The following RXFP1 variants were observed in gnomAD, a reference collection of about 807,000 sequenced individuals.
RXFP1 encodes relaxin family peptide receptor 1, also known as relaxin receptor 1.
In RXFP1, 73 loss-of-function variants were observed where a neutral mutation model predicts 89.8. The ratio of observed to expected loss-of-function variants is 0.81; its 90% CI spans 0.67 to 0.99. The LOEUF is 0.99. RXFP1 is among the 50% of genes least tolerant of loss of function. RXFP1 has a pLI of 0.00. For missense variants in RXFP1, 793 were observed against 895.5 expected (o/e 0.89, Z 1.46); for synonymous variants, 277 against 305.5 (o/e 0.91, Z 0.97).
chr4:158,544,416 A>G lies in RXFP1; in HGVS notation c.49+22391A>G, dbSNP rs111749004. 8.6e-3 allele frequency: 8,152 copies of G among 946,858 alleles called. 497 individuals carry two copies. The African/African-American group carries it at 0.13, about 15-fold the overall frequency. The allele number at this position is 946,858 out of a possible 1,614,324, so 58.7% of individuals were successfully genotyped here. A position where few individuals can be genotyped will look rare whatever the true frequency, so the allele number is the denominator to read the frequency against. ...CATGGTCATAGAGGAAGTAAGTTAG[A>G]AGCTATAATTGACCTTCATCTTTTT... is the stretch of plus-strand genomic sequence containing the variant. On this transcript the variant is annotated intron_variant, in intron 1 of 17. Coordinates refer to ENST00000307765, the MANE Select transcript of RXFP1 (RefSeq NM_021634.4).
In RXFP1 at chr4:158,526,130, C is replaced by T. The variant is rs1043046797; in HGVS notation, c.49+4105C>T. Among the ~76,000 whole-genome samples the T allele has an allele frequency of 2.6e-5, 4 of 152,340 alleles. No homozygotes were observed. The South Asian group carries it at 6.2e-4, about 24-fold the overall frequency. On this transcript the variant is annotated intron_variant, in intron 1 of 17. Coordinates refer to ENST00000307765, the MANE Select transcript of RXFP1 (RefSeq NM_021634.4). ...GCAAGTTTAACAAATCCATGCTAGG[C>T]GTTTATATATCTCCTCTAATGAGCT...
In RXFP1 at chr4:158,638,027, A is replaced by G. The variant is rs758031882; in HGVS notation, c.991A>G (p.Ile331Val). The G allele has an allele frequency of 6.2e-7, 1 of 1,603,628 alleles. No homozygotes were observed. Among genetic ancestry groups the G allele is most frequent in the Non-Finnish European group, 8.5e-7 (1 of 1,171,272 alleles). Residue 331 changes from isoleucine to valine, a missense_variant, in exon 13 of 18, where the codon ATC becomes GTC. Transcript: ENST00000307765. ...AAACAGGAATCTTTCCTATAATCCA[A>G]TCCAGAAAATTCAAGCAAACCAATT... ...LSQLNLSYNP[I>V]QKIQANQFDY...
At chr4:158,560,081 GAC>G (rs1752116960) in intron 1 of RXFP1, among the ~76,000 whole-genome samples, 1 of 152,222 alleles carries the variant, frequency 6.6e-6, no homozygotes, top group African/African-American at 2.4e-5. Flanking sequence ...GCATGGATGT[GAC>G]TAACCCAGGT....
intron 3 of RXFP1, among the ~76,000 whole-genome samples, chr4:158,598,764 C>A (rs564211093): frequency 6.6e-6 from 1 of 151,792 alleles, no homozygotes; most frequent in East Asian, 1.9e-4. Flanking sequence ...TTTTATTCAT[C>A]CTTTACCCCT....
Position 158,542,109 on chromosome 4 carries a change from A to ATATTT in RXFP1, c.49+20085_49+20086insATTTT. ...TATATATATATATATATATATATAT[A>ATATTT]TTTTTTTTTTAGTAGAGACAGGGTT... On this transcript the variant is annotated intron_variant, in intron 1 of 17. Transcript: ENST00000307765. Among the ~76,000 whole-genome samples, 184 of 35,230 alleles carry ATATTT rather than the reference A, an allele frequency of 5.2e-3. 4 individuals carry two copies. Among genetic ancestry groups the ATATTT allele is most frequent in the African/African-American group, 0.016 (176 of 10,772 alleles). The allele number at this position is 35,230 out of a possible 152,430, so 23.1% of individuals were successfully genotyped here. A position where few individuals can be genotyped will look rare whatever the true frequency, so the allele number is the denominator to read the frequency against.
intron 3 of RXFP1, among the ~76,000 whole-genome samples, chr4:158,594,310 G>A (rs1416684037): frequency 6.6e-6 from 1 of 152,104 alleles, no homozygotes; most frequent in Admixed American, 6.6e-5. Flanking sequence ...AGACTGCAGT[G>A]ATAACGCTGT....
intron 12 of RXFP1, among the ~76,000 whole-genome samples, chr4:158,637,751 C>A (rs1213177001): frequency 6.6e-6 from 1 of 152,044 alleles, no homozygotes; most frequent in Non-Finnish European, 1.5e-5. Context: ...TAATCCCATT[C>A]ATCTATTTCA....
chr4:158,542,110 T>TATATATATATATATATATATATATA (rs56793848), intron 1 of RXFP1, among the ~76,000 whole-genome samples: 1 of 13,712 alleles, frequency 7.3e-5, no homozygotes, highest in African/African-American at 1.6e-4. Context: ...TATATATATA[T>TATATATATATATATATATATATATA]TTTTTTTTTA....
At chr4:158,539,552 A>T (rs189556991) in intron 1 of RXFP1, among the ~76,000 whole-genome samples, 1 of 152,268 alleles carries the variant, frequency 6.6e-6, no homozygotes, top group African/African-American at 2.4e-5. Context: ...AAAGATGAAG[A>T]GTATTAACTA....
chr4:158,643,869 C>T lies in RXFP1; in HGVS notation c.1116-1040C>T, dbSNP rs1174088419. On this transcript the variant is annotated intron_variant, in intron 14 of 17. Coordinates refer to ENST00000307765, the MANE Select transcript of RXFP1 (RefSeq NM_021634.4). ...ATTTACATTCCCGCCAATAACAGTT[C>T]CCTTTTCTCCAGATTCTCATCAGCA... Among the ~76,000 whole-genome samples, 3 of 152,042 alleles carry T rather than the reference C, an allele frequency of 2.0e-5. No homozygotes were observed. In the East Asian group the frequency reaches 5.8e-4, roughly 29 times the overall value.
chr4:158,647,232 T>C, intron 16 of RXFP1, 31 bp downstream of exon 16: 1 of 1,486,146 alleles, frequency 6.7e-7, no homozygotes, highest in Non-Finnish European at 9.0e-7. Context: ...TGTTCACAAA[T>C]TTTTATTTCA....
chr4:158,627,316 T>C (rs554624174), intron 10 of RXFP1, among the ~76,000 whole-genome samples: 4 of 152,314 alleles, frequency 2.6e-5, no homozygotes, highest in African/African-American at 9.6e-5. Flanking sequence ...CCAACTCTCC[T>C]ATTCACAGCT....
At chr4:158,540,131 A>G (rs1385967777) in intron 1 of RXFP1, among the ~76,000 whole-genome samples, 1 of 152,156 alleles carries the variant, frequency 6.6e-6, no homozygotes, top group East Asian at 1.9e-4. Context: ...ATCTCACGCA[A>G]GAAAGAATTT....
chr4:158,586,021 C>A (rs1253728718), intron 2 of RXFP1, among the ~76,000 whole-genome samples: 1 of 152,176 alleles, frequency 6.6e-6, no homozygotes, highest in Non-Finnish European at 1.5e-5. Context: ...ATGGCAAATC[C>A]CATAATGCAG....
intron 2 of RXFP1, among the ~76,000 whole-genome samples, chr4:158,585,459 G>A (rs1237792429): frequency 1.3e-5 from 2 of 152,102 alleles, no homozygotes; most frequent in East Asian, 3.9e-4. Context: ...CAGTGCCAGG[G>A]GAATCTAACA....
Position 158,639,334 on chromosome 4 carries a change from A to C in RXFP1, c.1115+3A>C. 6.9e-7 allele frequency: 1 copy of C among 1,456,622 alleles called. No individual in the cohort carries two copies. Among genetic ancestry groups the C allele is most frequent in the East Asian group, 2.3e-5 (1 of 44,040 alleles). The allele number at this position is 1,456,622 out of a possible 1,614,324, so 90.2% of individuals were successfully genotyped here. Reference sequence around the variant, plus strand: ...CCTCTTATGAATCTCTCTCACATGTAAGTAGATATTTTATTGTTTTTCACT... The same window carrying C: ...CCTCTTATGAATCTCTCTCACATGTCAGTAGATATTTTATTGTTTTTCACT... On this transcript the variant is annotated splice_donor_region_variant and intron_variant, in intron 14 of 17. Transcript: ENST00000307765.
At chr4:158,539,979 T>C (rs1284889381) in intron 1 of RXFP1, among the ~76,000 whole-genome samples, 2 of 152,194 alleles carry the variant, frequency 1.3e-5, no homozygotes, top group Non-Finnish European at 2.9e-5. Context: ...TGTCATCTAA[T>C]ACTGAGACTT....
At chr4:158,622,582 G>A (rs1247584263) in intron 9 of RXFP1, among the ~76,000 whole-genome samples, 1 of 152,140 alleles carries the variant, frequency 6.6e-6, no homozygotes, top group Non-Finnish European at 1.5e-5. Context: ...GTGAACTTAG[G>A]GGACATTATG....
intron 11 of RXFP1, 147 bp from the exon 12 acceptor site, chr4:158,633,258 C>A: frequency 1.8e-6 from 1 of 559,664 alleles, no homozygotes; most frequent in East Asian, 3.2e-5. Flanking sequence ...CAACTTTGCT[C>A]CTTTTTTAAA....
Sources: allele counts gnomAD v4.1 joint callset (sites outside exome capture counted in the v4.1 genomes callset), GRCh38; gene constraint gnomAD v4.1.1; transcripts MANE v1.5; gene names NCBI Gene and HGNC (gene_info 2026-07-23, HGNC 2026-07-21).